The following CEP290 variants were observed in gnomAD, a reference collection of about 807,000 sequenced individuals.
The protein encoded by CEP290 is centrosomal protein of 290 kDa.
A neutral mutation model predicts 344.9 loss-of-function variants in CEP290; 317 were observed. That is an observed-to-expected ratio of 0.92 (90% CI 0.84 to 1.01). CEP290 has a LOEUF of 1.01. CEP290 is among the 50% of genes least tolerant of loss of function. The pLI is 0.00. For synonymous variants in CEP290, 932 were observed against 895.8 expected (o/e 1.04, Z -0.72); for missense variants, 2,754 against 2,761.4 (o/e 1.00, Z 0.06).
chr12:88,125,227 T>C lies in CEP290; in HGVS notation c.1189+19A>G, dbSNP rs948770167. 2 of 675,824 alleles carry C rather than the reference T, an allele frequency of 3.0e-6. No homozygotes were observed. The highest frequency in any genetic ancestry group is 4.5e-6 in the Non-Finnish European group (2 of 445,040). The allele number at this position is 675,824 out of a possible 1,614,324, so 41.9% of individuals were successfully genotyped here. A position where few individuals can be genotyped will look rare whatever the true frequency, so the allele number is the denominator to read the frequency against. On this transcript the variant is annotated intron_variant, in intron 13 of 53. Transcript: ENST00000552810. The stretch of plus-strand genomic sequence containing the variant: ...AAAACATAATTGTATATAAAATAAC[T>C]ATATATTTATAAAAATACCTTTGTT...
Position 88,121,045 on chromosome 12 carries a change from C to T in CEP290, c.1311G>A (p.Lys437=). Residue 437 remains lysine, a synonymous_variant, in exon 14 of 54, where the codon AAG becomes AAA. Transcript: ENST00000552810. ...TCAGAGCCTCAACTAATTCTTTATC[C>T]TTTTCCCTAGCATCAGCCTCAGCCA... ...AELAEADARE[K]DKELVEALKR... is the part of the protein sequence containing the mutation. 5 of 1,613,320 alleles carry T rather than the reference C, an allele frequency of 3.1e-6. No individual in the cohort carries two copies. The highest frequency in any genetic ancestry group is 4.2e-6 in the Non-Finnish European group (5 of 1,179,652).
chr12:88,080,003 T>C (rs1256061145), intron 38 of CEP290, among the ~76,000 whole-genome samples, 179 bp downstream of exon 38: 1 of 152,200 alleles, frequency 6.6e-6, no homozygotes, highest in South Asian at 2.1e-4. Flanking sequence ...TTGGACTATA[T>C]CTGCCCACAA....
intron 41 of CEP290, among the ~76,000 whole-genome samples, chr12:88,074,500 A>ACCC (rs1201641856): frequency 6.6e-6 from 1 of 152,156 alleles, no homozygotes; most frequent in Non-Finnish European, 1.5e-5. Flanking sequence ...TACCATGGGT[A>ACCC]TTGTGGTGTT....
At chr12:88,100,185 G>A (rs1349284050) in intron 26 of CEP290, among the ~76,000 whole-genome samples, 3 of 151,468 alleles carry the variant, frequency 2.0e-5, no homozygotes, top group East Asian at 1.9e-4. Flanking sequence ...CAGAAGAATC[G>A]CTTGAACCTG....
At chr12:88,116,938 C>G in intron 18 of CEP290, 95 bp downstream of exon 18, 3 of 609,332 alleles carry the variant, frequency 4.9e-6, no homozygotes, top group Non-Finnish European at 8.4e-6. Context: ...CGCGCCACTG[C>G]ACTCCAGCCT....
Position 88,125,505 on chromosome 12 carries a change from T to C in CEP290, c.1066-136A>G. 8.4e-6 allele frequency: 3 copies of C among 356,662 alleles called. No individual in the cohort carries two copies. In the East Asian group the frequency reaches 1.3e-4, roughly 16 times the overall value. The allele number at this position is 356,662 out of a possible 1,614,324, so 22.1% of individuals were successfully genotyped here. ...GTGGGTACAAGTATGCCTTTTACCA[T>C]TTTGTACACTTCAACTGTAATACAC... is the stretch of plus-strand genomic sequence containing the variant. On this transcript the variant is annotated intron_variant, in intron 12 of 53. Coordinates refer to ENST00000552810, the MANE Select transcript of CEP290 (RefSeq NM_025114.4).
At chr12:88,055,517 G>T in intron 50 of CEP290, 59 bp downstream of exon 50, 1 of 1,423,580 alleles carries the variant, frequency 7.0e-7, no homozygotes, top group South Asian at 1.4e-5. Context: ...GACAATGCAA[G>T]GAACATCTTG....
At chr12:88,090,155 A>G (rs1183233211) in intron 30 of CEP290, among the ~76,000 whole-genome samples, 1 of 152,214 alleles carries the variant, frequency 6.6e-6, no homozygotes, top group Non-Finnish European at 1.5e-5. Context: ...AAGAGAAAAT[A>G]TTGTTATTAA....
chr12:88,077,984 TAAAAC>T (rs2035910506), intron 39 of CEP290, 66 bp from the exon 40 acceptor site: 1 of 695,994 alleles, frequency 1.4e-6, no homozygotes, highest in Non-Finnish European at 2.3e-6. Flanking sequence ...AAAAGGAACA[TAAAAC>T]AGAAAATATA....
rs574518732 is a variant in CEP290 at position 88,065,055 on chromosome 12, AT to A, written c.6136-941del. ...GTTGTTACTTCTCATTCTAAACTTTATTTTTTTTAACTGTGCTTAATTATAT... is the reference window on the plus strand; with the variant it reads ...GTTGTTACTTCTCATTCTAAACTTTATTTTTTTAACTGTGCTTAATTATAT... On this transcript the variant is annotated intron_variant, in intron 44 of 53. Coordinates refer to ENST00000552810, the MANE Select transcript of CEP290 (RefSeq NM_025114.4). 2.5e-3 allele frequency among the ~76,000 whole-genome samples: 374 copies of A among 151,712 alleles called. 1 individual carries two copies. The highest frequency in any genetic ancestry group is 3.5e-3 in the Non-Finnish European group (239 of 67,796).
intron 6 of CEP290, among the ~76,000 whole-genome samples, chr12:88,133,083 T>G (rs897423864): frequency 6.6e-6 from 1 of 151,292 alleles, no homozygotes; most frequent in African/African-American, 2.4e-5. Context: ...TTTTTTTTTT[T>G]TTTTTTTTTT....
At chr12:88,126,227 G>C in intron 12 of CEP290, 89 bp downstream of exon 12, 1 of 1,064,356 alleles carries the variant, frequency 9.4e-7, no homozygotes, top group South Asian at 2.6e-5. Flanking sequence ...GCTACACTAG[G>C]CACTGATGAT....
rs201353893 is a variant in CEP290 at position 88,080,223 on chromosome 12, G to A, written c.5185C>T (p.Arg1729Trp). Residue 1729 changes from arginine to tryptophan, a missense_variant, in exon 38 of 54, where the codon CGG (arginine) becomes TGG (tryptophan). Physicochemically the swap from Arg to Trp is moderately radical, Grantham distance 101. Transcript: ENST00000552810. ...PTTTMRNLVE[R>W]LKSQLALKEK... ...TTCAAGGCTAATTGGCTCTTTAGCCGTTCTACTAGATTTCTCATTGTAGTT... is the reference window on the plus strand; with the variant it reads ...TTCAAGGCTAATTGGCTCTTTAGCCATTCTACTAGATTTCTCATTGTAGTT... The A allele has an allele frequency of 5.1e-4, 825 of 1,611,964 alleles. 2 individuals are homozygous for A. The highest frequency in any genetic ancestry group is 6.4e-4 in the Non-Finnish European group (754 of 1,178,892).
chr12:88,083,176 GACGAA>G lies in CEP290; in HGVS notation c.4862_4866del (p.Ile1621ThrfsTer3). The G allele has an allele frequency of 1.3e-6, 2 of 1,535,214 alleles. No individual in the cohort carries two copies. The highest frequency in any genetic ancestry group is 1.7e-4 in the Middle Eastern group (1 of 5,926). On this transcript the variant is annotated frameshift_variant, in exon 37 of 54. Transcript: ENST00000552810. LOFTEE classifies it high-confidence loss of function. ...GCTACTGTCTGTTCCATCTCAGCCA[GACGAA>G]TAAAATGCTTGTTGGTAGGAACTGG... is the stretch of plus-strand genomic sequence containing the variant.
intron 6 of CEP290, 50 bp from the exon 7 acceptor site, chr12:88,131,268 G>A (rs770888735): frequency 1.6e-6 from 2 of 1,288,938 alleles, no homozygotes; most frequent in African/African-American, 4.1e-5. Flanking sequence ...AAATTCAGCA[G>A]TAATTTTTTT....
intron 13 of CEP290, 68 bp from the exon 14 acceptor site, chr12:88,121,234 A>T: frequency 8.4e-7 from 1 of 1,194,362 alleles, no homozygotes; most frequent in Non-Finnish European, 1.2e-6. Flanking sequence ...TGATCCCAAC[A>T]TGGTGGCAAG....
chr12:88,065,360 T>C (rs1219528329), intron 44 of CEP290, among the ~76,000 whole-genome samples: 2 of 152,274 alleles, frequency 1.3e-5, no homozygotes, highest in East Asian at 3.9e-4. Context: ...GAGATGTGTG[T>C]GCACATGCAC....
intron 10 of CEP290, among the ~76,000 whole-genome samples, chr12:88,129,352 A>G (rs780980613): frequency 5.9e-5 from 9 of 151,824 alleles, no homozygotes; most frequent in Non-Finnish European, 1.3e-4. Context: ...ATACTGAACA[A>G]TGTATTGGTT....
chr12:88,083,878 C>T lies in CEP290; in HGVS notation c.4781G>A (p.Ser1594Asn). The change falls in exon 36 of 54, where the codon AGT becomes AAT. Residue 1594 changes from serine (S) to asparagine (N), a missense_variant. By Grantham distance (46) the Ser-to-Asn change is conservative (BLOSUM62 1). Transcript: ENST00000552810. ...LHHRLELQAD[S>N]SLNKFKQTAW... is the part of the protein sequence containing the mutation. Reference sequence around the variant, plus strand: ...CGTTTGTTTGAATTTATTTAGTGAACTATCAGCCTGTAGTTCTAATCTGTG... The same window carrying T: ...CGTTTGTTTGAATTTATTTAGTGAATTATCAGCCTGTAGTTCTAATCTGTG... The T allele has an allele frequency of 6.3e-7, 1 of 1,592,924 alleles. No individual in the cohort carries two copies. The highest frequency in any genetic ancestry group is 8.6e-7 in the Non-Finnish European group (1 of 1,169,456).
Sources: gnomAD v4.1 joint callset for allele counts (sites outside exome capture counted in the v4.1 genomes callset) on GRCh38, gnomAD v4.1.1 for gene constraint, MANE v1.5 for transcripts, NCBI Gene and HGNC (gene_info 2026-07-23, HGNC 2026-07-21) for gene names.